Variants in GCA observed in about 807,000 individuals in gnomAD.
The protein encoded by GCA is grancalcin, EF-hand calcium-binding protein.
In GCA, 30 loss-of-function variants were observed where a neutral mutation model predicts 32.6. That is an observed-to-expected ratio of 0.92 (90% CI 0.69 to 1.25). GCA has a LOEUF of 1.25. GCA is among the 50% of genes most tolerant of loss of function. The pLI, the probability that GCA is intolerant of heterozygous loss-of-function variation, is 0.00. For missense variants in GCA, 291 were observed against 266.8 expected, an observed-to-expected ratio of 1.09 and a Z score of -0.63; for synonymous variants, 102 against 84.6, an observed-to-expected ratio of 1.21 and a Z score of -1.13.
In GCA at chr2:162,347,930, A is replaced by T. The variant is rs569308923; in HGVS notation, c.192+188A>T. Among the ~76,000 whole-genome samples, 3 of 152,304 alleles carry T rather than the reference A, an allele frequency of 2.0e-5. No homozygotes were observed. In the South Asian group the frequency reaches 6.2e-4, roughly 32 times the overall value. ...TTCATTTTAAAAGTCTGTTGATGTG[A>T]TGCTTGATACATTGTTCATTTGACT... On this transcript the variant is annotated intron_variant, in intron 2 of 7. Transcript: ENST00000437150.
At chr2:162,371,817 A>G (rs1005044259), downstream of GCA, 6 of 1,602,596 alleles carry the variant, frequency 3.7e-6, no homozygotes, top group Non-Finnish European at 5.1e-6. Context: ...TGGAGTAAAT[A>G]GTACAAAATG....
downstream of GCA, among the ~76,000 whole-genome samples, chr2:162,366,933 G>T (rs921296128): frequency 4.1e-5 from 6 of 146,380 alleles, no homozygotes; most frequent in East Asian, 9.7e-4. Context: ...AAGAGCAACA[G>T]AAAGTGTTTT....
rs530474727 is a variant in GCA at position 162,359,615 on chromosome 2, T to C, written c.627+63T>C. On this transcript the variant is annotated intron_variant, in intron 7 of 7. Transcript: ENST00000437150. Reference sequence around the variant, plus strand: ...GATAGTTCTCAGTTAGTAAAAAAATTTAAGTGATCCCAAGTACCAGTACTG... The same window carrying C: ...GATAGTTCTCAGTTAGTAAAAAAATCTAAGTGATCCCAAGTACCAGTACTG... 3.9e-6 allele frequency: 3 copies of C among 771,058 alleles called. No homozygotes were observed. The South Asian group carries it at 5.7e-5, about 15-fold the overall frequency. The allele number at this position is 771,058 out of a possible 1,614,324, so 47.8% of individuals were successfully genotyped here. A position where few individuals can be genotyped will look rare whatever the true frequency, so the allele number is the denominator to read the frequency against.
chr2:162,328,823 A>T (rs1683979633), intron 1 of GCA, among the ~76,000 whole-genome samples: 1 of 152,212 alleles, frequency 6.6e-6, no homozygotes, highest in African/African-American at 2.4e-5. Flanking sequence ...GGCTTGGAGA[A>T]TGAGTGCAAG....
downstream of GCA, among the ~76,000 whole-genome samples, chr2:162,365,849 A>G (rs567849653): frequency 3.3e-5 from 5 of 151,638 alleles, no homozygotes; most frequent in Non-Finnish European, 7.4e-5. Context: ...TTTCAGTGCT[A>G]TTATAAATAA....
chr2:162,345,814 T>G (rs960771366), intron 1 of GCA, among the ~76,000 whole-genome samples: 1 of 152,182 alleles, frequency 6.6e-6, no homozygotes, highest in African/African-American at 2.4e-5. Flanking sequence ...CATGATTTCT[T>G]TAGTAGGAGA....
At chr2:162,357,562 T>G (rs1394827873) in intron 5 of GCA, among the ~76,000 whole-genome samples, 2 of 151,812 alleles carry the variant, frequency 1.3e-5, no homozygotes, top group Non-Finnish European at 3.0e-5. Flanking sequence ...GAAAATTAAT[T>G]TTTTGGAAGT....
downstream of GCA, among the ~76,000 whole-genome samples, chr2:162,365,635 C>A (rs532104799): frequency 1.3e-5 from 2 of 151,764 alleles, no homozygotes; most frequent in East Asian, 3.9e-4. Context: ...TGACTACACA[C>A]ATTCTTTTTT....
At chr2:162,346,083 A>G (rs1684692779) in intron 1 of GCA, among the ~76,000 whole-genome samples, 1 of 152,188 alleles carries the variant, frequency 6.6e-6, no homozygotes. Context: ...TATACGAATA[A>G]AAATTATAAC....
chr2:162,343,025 T>C (rs569667978), upstream of GCA, among the ~76,000 whole-genome samples: 1 of 152,356 alleles, frequency 6.6e-6, no homozygotes, highest in East Asian at 1.9e-4. Context: ...TTCCTTTCTC[T>C]CTGCTGTTTC....
intron 1 of GCA, among the ~76,000 whole-genome samples, chr2:162,333,635 A>G (rs1215114394): frequency 1.3e-5 from 2 of 152,154 alleles, no homozygotes; most frequent in East Asian, 1.9e-4. Context: ...TAAATTATCA[A>G]GTGATTCAAA....
At chr2:162,321,401 C>T (rs1037611338) in intron 1 of GCA, among the ~76,000 whole-genome samples, 2 of 152,074 alleles carry the variant, frequency 1.3e-5, no homozygotes, top group Admixed American at 6.6e-5. Context: ...TATGAGCTGC[C>T]ACTACAATTT....
chr2:162,373,716 G>T, downstream of GCA: 1 of 1,286,192 alleles, frequency 7.8e-7, no homozygotes, highest in Non-Finnish European at 1.0e-6. Context: ...CAGAATTTCA[G>T]GAGCATTTAA....
In GCA at chr2:162,347,737, G is replaced by T; in HGVS notation, c.187G>T (p.Gly63Ter). 1 of 1,519,252 alleles carries T rather than the reference G, an allele frequency of 6.6e-7. No individual in the cohort carries two copies. Among genetic ancestry groups the T allele is most frequent in the South Asian group, 1.3e-5 (1 of 74,924 alleles). 94.1% of individuals were successfully genotyped at this position (1,519,252 alleles called of 1,614,324 possible). Residue 63 changes from glycine to a stop codon, truncating the protein, a stop_gained, in exon 2 of 8, where the codon GGA becomes TGA. Transcript: ENST00000437150. LOFTEE classifies it high-confidence loss of function. ...GTATACTTACTTCAGTGCTGTTGCT[G>T]GACAGGTGAGATGCTAAATTTATTG... ...SVYTYFSAVA[G>*]QDGEVDAEEL...
intron 1 of GCA, among the ~76,000 whole-genome samples, chr2:162,345,131 G>GGTGGTGGTGGTTGTGGTTGTGGTT (rs146219747): frequency 1.2e-4 from 18 of 144,232 alleles, no homozygotes; most frequent in African/African-American, 4.2e-4. Context: ...TGGTGGTGGT[G>GGTGGTGGTGGTTGTGGTTGTGGTT]GTGGTTGTGG....
chr2:162,319,121 A>G (rs1276523985), exon 1 of GCA: 1 of 456,476 alleles, frequency 2.2e-6, no homozygotes, highest in Admixed American at 2.3e-5. Flanking sequence ...AGCTCAGAAG[A>G]CATCTTTGCA....
At chr2:162,336,888 A>G in intron 1 of GCA, among the ~76,000 whole-genome samples, 1 of 152,032 alleles carries the variant, frequency 6.6e-6, no homozygotes. Context: ...AATACAGATT[A>G]ATCATTCAAT....
intron 4 of GCA, among the ~76,000 whole-genome samples, chr2:162,368,829 T>A (rs1372584716): frequency 3.3e-5 from 5 of 152,042 alleles, no homozygotes; most frequent in Admixed American, 2.0e-4. Context: ...ATTATTAATT[T>A]AAAAACCCCA....
rs903095004 is a variant in GCA at position 162,361,706 on chromosome 2, C to G, written c.*1463C>G. 1.4e-4 allele frequency: 135 copies of G among 982,024 alleles called. No homozygotes were observed. In the African/African-American group the frequency reaches 1.5e-3, roughly 11 times the overall value. 60.8% of individuals were successfully genotyped at this position (982,024 alleles called of 1,614,324 possible). A position where few individuals can be genotyped will look rare whatever the true frequency, so the allele number is the denominator to read the frequency against. ...TATAAAAATGTGTGAATAGGTAATACACATAATTTTGTTCTCTGGCTTTTT... is the reference window on the plus strand; with the variant it reads ...TATAAAAATGTGTGAATAGGTAATAGACATAATTTTGTTCTCTGGCTTTTT... On this transcript the variant is annotated 3_prime_UTR_variant, in exon 8 of 8. Transcript: ENST00000437150.
Sources: gnomAD v4.1 joint callset for allele counts (sites outside exome capture counted in the v4.1 genomes callset) on GRCh38, gnomAD v4.1.1 for gene constraint, MANE v1.5 for transcripts, NCBI Gene and HGNC (gene_info 2026-07-23, HGNC 2026-07-21) for gene names.